Variants in USP42 observed in about 807,000 individuals in gnomAD.
USP42 encodes the protein ubiquitin carboxyl-terminal hydrolase 42.
USP42 carries 23 observed loss-of-function variants against 113.0 expected under a neutral mutation model. That is an observed-to-expected ratio of 0.20 (90% CI 0.15 to 0.29). The LOEUF (loss-of-function observed/expected upper bound fraction) is 0.29, where lower values mean the gene tolerates loss of function less well. Among genes scored for constraint, USP42 ranks in the 10% least tolerant of loss-of-function variants. The pLI, the probability that USP42 is intolerant of heterozygous loss-of-function variation, is 1.00. For missense variants in USP42, 2,174 were observed against 1,779.8 expected (o/e 1.22, Z -3.99); for synonymous variants, 933 against 699.0 (o/e 1.33, Z -5.28).
At chr7:6,115,595 A>G in intron 3 of USP42, 72 bp downstream of exon 3, 4 of 1,533,844 alleles carry the variant, frequency 2.6e-6, no homozygotes, top group Non-Finnish European at 3.6e-6. Context: ...CTGAAATGAA[A>G]GTGAAGAATT....
At chr7:6,148,777 C>A (rs1181249158) in intron 12 of USP42, among the ~76,000 whole-genome samples, 1 of 152,176 alleles carries the variant, frequency 6.6e-6, no homozygotes, top group Non-Finnish European at 1.5e-5. Flanking sequence ...TTATGGACAT[C>A]AGGCAGTATA....
At chr7:6,091,932 G>A in the USP42 span, among the ~76,000 whole-genome samples, 672 of 149,472 alleles carry the variant, frequency 4.5e-3, 5 homozygotes, top group Non-Finnish European at 7.7e-3. Context: ...TTTTCTATTC[G>A]ATATCTGCCT....
At chr7:6,111,092 A>T in intron 1 of USP42, 33 bp from the exon 2 acceptor site, 5 of 1,584,918 alleles carry the variant, frequency 3.2e-6, no homozygotes, top group Non-Finnish European at 4.3e-6. Context: ...TTCTCACCTG[A>T]TGAAACAAAT....
Position 6,111,195 on chromosome 7 carries a change from G to T in USP42, c.62G>T (p.Gly21Val). ...CCATCAGCCTATCAGAATCAGCCTG[G>T]CAGCTCCGAGGCAGTCTCACCTGGA... ...SDPSAYQNQP[G>V]SSEAVSPGDM... The change falls in exon 2 of 18, where the codon GGC becomes GTC. Residue 21 changes from glycine (G) to valine (V), a missense_variant. Physicochemically the swap from Gly to Val is moderately radical, Grantham distance 109. Coordinates refer to ENST00000306177, the MANE Select transcript of USP42 (RefSeq NM_032172.3). 1 of 1,612,218 alleles carries T rather than the reference G, an allele frequency of 6.2e-7. No individual in the cohort carries two copies. The highest frequency in any genetic ancestry group is 8.5e-7 in the Non-Finnish European group (1 of 1,179,052).
intron 4 of USP42, among the ~76,000 whole-genome samples, chr7:6,136,482 TATTCA>T (rs1466515180): frequency 6.6e-6 from 1 of 152,248 alleles, no homozygotes; most frequent in African/African-American, 2.4e-5. Flanking sequence ...TATTAAAGAC[TATTCA>T]ATTTAATATA....
At chr7:6,101,160 A>G (rs749224092), upstream of USP42, among the ~76,000 whole-genome samples, 1 of 151,160 alleles carries the variant, frequency 6.6e-6, no homozygotes, top group Non-Finnish European at 1.5e-5. Flanking sequence ...AGCTAAGAAC[A>G]GCCTCAGGAG....
chr7:6,145,803 CT>C, intron 10 of USP42, 147 bp downstream of exon 10: 1 of 967,682 alleles, frequency 1.0e-6, no homozygotes, highest in Non-Finnish European at 1.5e-6. Context: ...GGCGCAGTGG[CT>C]TACTCCTGTA....
At chr7:6,087,687 G>A in the USP42 span, among the ~76,000 whole-genome samples, 7 of 150,838 alleles carry the variant, frequency 4.6e-5, no homozygotes, top group Non-Finnish European at 1.0e-4. Flanking sequence ...ATTTTTCAGC[G>A]AGAGTGTGAA....
chr7:6,123,363 A>G (rs558785369), intron 3 of USP42, among the ~76,000 whole-genome samples: 3 of 152,120 alleles, frequency 2.0e-5, no homozygotes, highest in South Asian at 4.2e-4. Context: ...TCTGTATAAT[A>G]TAAAATATTA....
rs896928071 is a variant in USP42 at position 6,143,088 on chromosome 7, A to C, written c.878+74A>C. The C allele has an allele frequency of 6.0e-6, 9 of 1,502,282 alleles. No homozygotes were observed. In the African/African-American group the frequency reaches 1.1e-4, roughly 18 times the overall value. 93.1% of individuals were successfully genotyped at this position (1,502,282 alleles called of 1,614,324 possible). On this transcript the variant is annotated intron_variant, in intron 8 of 17. Coordinates refer to ENST00000306177, the MANE Select transcript of USP42 (RefSeq NM_032172.3). ...ATGGCCGGCAGGCTTGGTTTGAGAG[A>C]GTTTGGTGTGTCTAGGTTGCTTGAG...
intron 14 of USP42, among the ~76,000 whole-genome samples, chr7:6,150,909 A>G (rs2128517279): frequency 6.6e-6 from 1 of 152,288 alleles, no homozygotes; most frequent in Admixed American, 6.5e-5. Context: ...TCCGTCCACA[A>G]CAGGGATGCC....
chr7:6,098,594 C>T, the USP42 span, among the ~76,000 whole-genome samples: 1 of 150,372 alleles, frequency 6.7e-6, no homozygotes, highest in South Asian at 2.1e-4. Context: ...AACTGTCGCC[C>T]AGGCTGGAAT....
At chr7:6,147,111 AT>A (rs1237066045) in intron 11 of USP42, among the ~76,000 whole-genome samples, 1 of 152,230 alleles carries the variant, frequency 6.6e-6, no homozygotes, top group Non-Finnish European at 1.5e-5. Context: ...GCACATTGAA[AT>A]ATTAAACACT....
intron 3 of USP42, among the ~76,000 whole-genome samples, chr7:6,118,847 C>G (rs1780055871): frequency 6.6e-6 from 1 of 152,138 alleles, no homozygotes. Context: ...CGATCTATTT[C>G]TGGACTCTAT....
At chr7:6,104,807 C>T (rs943149332), upstream of USP42, 2 of 151,350 alleles carry the variant, frequency 1.3e-5, no homozygotes, top group African/African-American at 4.8e-5. Flanking sequence ...GTTAGCTGCG[C>T]GCCGCGCTTC....
At chr7:6,118,575 A>G (rs74531319) in intron 3 of USP42, among the ~76,000 whole-genome samples, 2,053 of 152,242 alleles carry the variant, frequency 0.013, 29 homozygotes, top group Middle Eastern at 0.061. Context: ...ACAGGTCACA[A>G]ATATTTTTCC....
chr7:6,105,844 A>C (rs1182114709), intron 1 of USP42, among the ~76,000 whole-genome samples: 1 of 152,210 alleles, frequency 6.6e-6, no homozygotes, highest in Non-Finnish European at 1.5e-5. Flanking sequence ...ACATGCATGC[A>C]GTGGAGATGA....
chr7:6,090,343 T>A, the USP42 span, among the ~76,000 whole-genome samples: 18 of 120,362 alleles, frequency 1.5e-4, no homozygotes, highest in Non-Finnish European at 2.8e-4. Context: ...TCTTTATATA[T>A]ATATTTATAT....
chr7:6,083,321 T>C, the USP42 span, among the ~76,000 whole-genome samples: 37 of 149,774 alleles, frequency 2.5e-4, no homozygotes, highest in African/African-American at 8.1e-4. Context: ...AGTGGTGCTA[T>C]CTTGGCTCAC....
Sources: allele counts gnomAD v4.1 joint callset (sites outside exome capture counted in the v4.1 genomes callset), GRCh38; gene constraint gnomAD v4.1.1; transcripts MANE v1.5; gene names NCBI Gene and HGNC (gene_info 2026-07-23, HGNC 2026-07-21).